Variants in TMEM255A observed in about 807,000 individuals in gnomAD.
TMEM255A encodes the protein transmembrane protein 255A.
TMEM255A carries 14 observed loss-of-function variants against 23.5 expected under a neutral mutation model. The observed-to-expected ratio is 0.60, with a 90% CI of 0.39 to 0.93. The LOEUF is 0.93. Among genes scored for constraint, TMEM255A ranks in the 40% least tolerant of loss-of-function variants. TMEM255A has a pLI of 0.00. For synonymous variants in TMEM255A, 104 were observed against 100.3 expected, an observed-to-expected ratio of 1.04 and a Z score of -0.22; for missense variants, 233 against 261.7, an observed-to-expected ratio of 0.89 and a Z score of 0.76.
chrX:120,279,998 C>CTTTTTTTTTTTTTTTTTTTTT (rs59428362), intron 6 of TMEM255A, among the ~76,000 whole-genome samples: 13 of 38,220 alleles, frequency 3.4e-4, no homozygotes, highest in Non-Finnish European at 4.3e-4. Context: ...CCTTTTCTTT[C>CTTTTTTTTTTTTTTTTTTTTT]TTTTTTTTTT....
chrX:120,265,525 A>G (rs1556017411), intron 8 of TMEM255A, among the ~76,000 whole-genome samples: 7 of 112,058 alleles, frequency 6.2e-5, no homozygotes. Flanking sequence ...AGTAGAAAGT[A>G]TAAATATCCA....
chrX:120,279,589 A>G (rs190300059), intron 6 of TMEM255A, among the ~76,000 whole-genome samples: 108 of 112,141 alleles, frequency 9.6e-4, no homozygotes, highest in African/African-American at 3.3e-3. Context: ...GCCTCCTAAA[A>G]CACCAAGGGT....
chrX:120,290,886 C>T (rs2057910052), intron 4 of TMEM255A, among the ~76,000 whole-genome samples: 1 of 111,323 alleles, frequency 9.0e-6, no homozygotes, highest in African/African-American at 3.3e-5. Flanking sequence ...TCTCTCTACC[C>T]CGTTGCCCCC....
At chrX:120,298,897 G>A (rs1463276208) in intron 2 of TMEM255A, among the ~76,000 whole-genome samples, 1 of 109,928 alleles carries the variant, frequency 9.1e-6, no homozygotes, top group Non-Finnish European at 1.9e-5. Context: ...GAGAGAGAGA[G>A]AGAGAGAGAT....
At chrX:120,261,632 GAGT>G (rs1277140149) in intron 8 of TMEM255A, among the ~76,000 whole-genome samples, 6 of 111,986 alleles carry the variant, frequency 5.4e-5, no homozygotes, top group Non-Finnish European at 9.4e-5. Context: ...CCCAAGTGCA[GAGT>G]AGGTTGGAGA....
intron 1 of TMEM255A, among the ~76,000 whole-genome samples, chrX:120,306,072 TCACCCTGGGGA>T (rs1556027001): frequency 1.8e-5 from 2 of 111,864 alleles, no homozygotes; most frequent in Admixed American, 1.9e-4. Context: ...GCACCATGTC[TCACCCTGGGGA>T]AGAGGTAAGA....
intron 6 of TMEM255A, among the ~76,000 whole-genome samples, chrX:120,281,149 C>T (rs2147194348): frequency 8.9e-6 from 1 of 112,162 alleles, no homozygotes; most frequent in African/African-American, 3.2e-5. Context: ...CTCTTGAGGG[C>T]GAGGGTCGTC....
At chrX:120,284,324 T>C (rs1342164883) in intron 6 of TMEM255A, among the ~76,000 whole-genome samples, 2 of 111,419 alleles carry the variant, frequency 1.8e-5, no homozygotes, top group African/African-American at 3.3e-5. Context: ...AGAGCCAGAG[T>C]GGCTGTAGCA....
chrX:120,263,800 G>A lies in TMEM255A; in HGVS notation c.820-2772C>T, dbSNP rs782464868. 5.5e-5 allele frequency among the ~76,000 whole-genome samples: 6 copies of A among 109,290 alleles called. No homozygotes were observed. The Admixed American group carries it at 5.8e-4, about 11-fold the overall frequency. 94.9% of individuals were successfully genotyped at this position (109,290 alleles called of 115,157 possible). A position where few individuals can be genotyped will look rare whatever the true frequency, so the allele number is the denominator to read the frequency against. ...GGGACGAAAGGAAAGACTTGACAGC[G>A]GGGTGGCGGGCGGGTGGCGGGGGGA... is the stretch of plus-strand genomic sequence containing the variant. On this transcript the variant is annotated intron_variant, in intron 8 of 8. Transcript: ENST00000371369.
intron 7 of TMEM255A, among the ~76,000 whole-genome samples, chrX:120,272,976 G>A (rs1157921811): frequency 9.0e-6 from 1 of 110,807 alleles, no homozygotes; most frequent in South Asian, 3.8e-4. Context: ...TCCTGACCTC[G>A]TGATCTGCCC....
At chrX:120,277,660 C>A (rs1421078293) in intron 6 of TMEM255A, among the ~76,000 whole-genome samples, 1 of 112,019 alleles carries the variant, frequency 8.9e-6, no homozygotes, top group Non-Finnish European at 1.9e-5. Context: ...AAGAACTTGC[C>A]CAAGTCGTAA....
At chrX:120,290,250 A>C (rs1485098719) in intron 4 of TMEM255A, among the ~76,000 whole-genome samples, 1 of 112,173 alleles carries the variant, frequency 8.9e-6, no homozygotes, top group African/African-American at 3.2e-5. Context: ...GAAAAAAGGA[A>C]GCCATTTTAG....
intron 5 of TMEM255A, chrX:120,285,498 G>T: frequency 2.2e-6 from 2 of 929,246 alleles, no homozygotes; most frequent in Non-Finnish European, 3.1e-6. Flanking sequence ...AAGGACAGAC[G>T]GAAGAACAAA....
Position 120,276,982 on chromosome X carries a change from T to C in TMEM255A, c.578A>G (p.His193Arg). The C allele has an allele frequency of 8.3e-7, 1 of 1,209,977 alleles. No homozygotes were observed. Among genetic ancestry groups the C allele is most frequent in the South Asian group, 1.8e-5 (1 of 56,866 alleles). Residue 193 changes from histidine to arginine, a missense_variant, in exon 7 of 9, where the codon CAC becomes CGC. Coordinates refer to ENST00000371369, the MANE Select transcript of TMEM255A (RefSeq NM_001104544.3). ...IDVSSCQDIIHLYHLLWSATI... is the reference protein window; with the variant it reads ...IDVSSCQDIIRLYHLLWSATI... ...GGCAGACCAGAGCAGGTGGTAGAGG[T>C]GGATGATATCTTGGCAACTGCTGAC...
At chrX:120,286,691 G>A (rs782504113) in intron 5 of TMEM255A, among the ~76,000 whole-genome samples, 4 of 112,048 alleles carry the variant, frequency 3.6e-5, no homozygotes, top group Non-Finnish European at 5.6e-5. Flanking sequence ...TGGCTTCTCA[G>A]TTACCCTCAT....
chrX:120,275,650 A>G (rs1456245706), intron 7 of TMEM255A, among the ~76,000 whole-genome samples: 1 of 106,317 alleles, frequency 9.4e-6, no homozygotes, highest in African/African-American at 3.5e-5. Context: ...AAGCAGTGGT[A>G]TTCAATCATG....
chrX:120,291,284 G>C lies in TMEM255A; in HGVS notation c.321C>G (p.Ala107=). 4.1e-6 allele frequency: 5 copies of C among 1,209,248 alleles called. No homozygotes were observed. The highest frequency in any genetic ancestry group is 5.6e-6 in the Non-Finnish European group (5 of 894,143). ...SFGVIAAFCC[A]IVDGVFAARH... is the part of the protein sequence containing the mutation. ...TGGCAGCAAAGACCCCGTCAACTAT[G>C]GCACAACAAAAAGCCGCAATCACAC... The change falls in exon 4 of 9, where the codon GCC becomes GCG. Residue 107 remains alanine (A), a synonymous_variant. Coordinates refer to ENST00000371369, the MANE Select transcript of TMEM255A (RefSeq NM_001104544.3).
chrX:120,304,643 A>G, intron 1 of TMEM255A, 152 bp from the exon 2 acceptor site: 1 of 498,300 alleles, frequency 2.0e-6, no homozygotes, highest in African/African-American at 2.4e-5. Flanking sequence ...TGGGGAAGGG[A>G]TAGAGCATTA....
At chrX:120,281,204 A>G (rs781963518) in intron 6 of TMEM255A, among the ~76,000 whole-genome samples, 8 of 112,215 alleles carry the variant, frequency 7.1e-5, no homozygotes, top group Non-Finnish European at 1.3e-4. Context: ...GCACAGTGGT[A>G]GAAACATTAA....
Sources: allele counts gnomAD v4.1 joint callset (sites outside exome capture counted in the v4.1 genomes callset), GRCh38; gene constraint gnomAD v4.1.1; transcripts MANE v1.5; gene names NCBI Gene and HGNC (gene_info 2026-07-23, HGNC 2026-07-21).